The following TMEM94 variants were observed in gnomAD, a reference collection of about 807,000 sequenced individuals.
The protein encoded by TMEM94 is transmembrane protein 94.
TMEM94 carries 81 observed loss-of-function variants against 158.6 expected under a neutral mutation model. The ratio of observed to expected loss-of-function variants is 0.51; its 90% CI spans 0.43 to 0.61. The LOEUF (loss-of-function observed/expected upper bound fraction) is 0.61. Among genes scored for constraint, TMEM94 ranks in the 20% least tolerant of loss-of-function variants. The pLI is 0.00. For missense variants in TMEM94, 1,435 were observed against 1,762.0 expected (o/e 0.81, Z 3.32); for synonymous variants, 751 against 730.7 (o/e 1.03, Z -0.45).
At chr17:75,480,507 G>A (rs1311204275) in intron 2 of TMEM94, among the ~76,000 whole-genome samples, 1 of 152,250 alleles carries the variant, frequency 6.6e-6, no homozygotes, top group Admixed American at 6.5e-5. Context: ...GGTAGAGACA[G>A]CAAGAGAGCA....
chr17:75,473,852 C>T (rs907449693), intron 2 of TMEM94, among the ~76,000 whole-genome samples: 19 of 152,152 alleles, frequency 1.2e-4, no homozygotes, highest in Non-Finnish European at 2.2e-4. Context: ...CAGTGGCTCA[C>T]GTCTGTAATC....
At chr17:75,461,093 C>CTTTTTTT (rs59878082) in intron 1 of TMEM94, among the ~76,000 whole-genome samples, 4 of 69,636 alleles carry the variant, frequency 5.7e-5, no homozygotes, top group Admixed American at 1.7e-4. Context: ...TTGCGATTGG[C>CTTTTTTT]TTTTTTTTTT....
intron 18 of TMEM94, 66 bp downstream of exon 18, chr17:75,493,982 C>T (rs778414390): frequency 1.3e-6 from 2 of 1,506,484 alleles, no homozygotes; most frequent in African/African-American, 1.4e-5. Flanking sequence ...AGCCCAGGAG[C>T]AGGGAGGGCG....
At position 75,490,704 on chromosome 17, in the gene TMEM94, G is replaced by A; in HGVS notation, c.1074G>A (p.Leu358=). 6.2e-7 allele frequency: 1 copy of A among 1,614,068 alleles called. No individual in the cohort carries two copies. The highest frequency in any genetic ancestry group is 1.1e-5 in the South Asian group (1 of 91,078). ...GACCTCACCCTCTCTCCGTGCAGCT[G>A]GCTAAGTTCTCAGAGGATACTCTCA... ...QMSKASPSSL[L]AKFSEDTLSS... The change falls in exon 11 of 32, where the codon CTG becomes CTA. Residue 358 remains leucine (L), a splice_region_variant and synonymous_variant. Coordinates refer to ENST00000314256, the MANE Select transcript of TMEM94 (RefSeq NM_014738.6).
chr17:75,464,084 G>C (rs918573486), intron 1 of TMEM94, among the ~76,000 whole-genome samples: 72 of 152,260 alleles, frequency 4.7e-4, no homozygotes, highest in African/African-American at 1.7e-3. Flanking sequence ...CTCAACCTGA[G>C]CCTTGGGCTC....
chr17:75,498,072 C>CA lies in TMEM94; in HGVS notation c.3490-102dup, dbSNP rs2052907662. 4.0e-6 allele frequency: 6 copies of CA among 1,487,138 alleles called. No homozygotes were observed. The highest frequency in any genetic ancestry group is 2.0e-4 in the Middle Eastern group (1 of 4,936). 92.1% of individuals were successfully genotyped at this position (1,487,138 alleles called of 1,614,324 possible). A position where few individuals can be genotyped will look rare whatever the true frequency, so the allele number is the denominator to read the frequency against. ...CTGGGGCTTGAGCTCCCTATCCCCC[C>CA]AGGCCTGACCATTTACTAAGAGCCC... On this transcript the variant is annotated intron_variant, in intron 27 of 31. Coordinates refer to ENST00000314256, the MANE Select transcript of TMEM94 (RefSeq NM_014738.6). The surrounding 1 kb of genome is among the most constrained non-coding windows in gnomAD (Gnocchi z 6.7).
chr17:75,459,815 G>A (rs1378409712), intron 1 of TMEM94: 1 of 152,134 alleles, frequency 6.6e-6, no homozygotes, highest in African/African-American at 2.4e-5. Flanking sequence ...TATTGTGTTA[G>A]TGTTGTTTTT....
chr17:75,491,852 C>G lies in TMEM94; in HGVS notation c.1548C>G (p.Asn516Lys). The part of the protein sequence containing the change: ...HGRSKHPSGS[N>K]VSFSRDTEGG... ...GCAGCAAACACCCATCTGGCTCCAA[C>G]GTGAGCTTCAGCAGGGACACCGAGG... The change falls in exon 14 of 32, where the codon AAC (asparagine) becomes AAG (lysine). Residue 516 changes from asparagine (N) to lysine (K), a missense_variant. Physicochemically the swap from Asn to Lys is moderately conservative, Grantham distance 94. Around this residue, in one of 3 missense-constraint regions of TMEM94, gnomAD observed 1,051 missense variants for 1,254.4 expected, o/e 0.84. Transcript: ENST00000314256. This position sits in a 1 kb window ranked among gnomAD's most constrained non-coding sequence, Gnocchi z 5.1. 3.1e-6 allele frequency: 5 copies of G among 1,613,994 alleles called. No individual in the cohort carries two copies. Among genetic ancestry groups the G allele is most frequent in the Non-Finnish European group, 4.2e-6 (5 of 1,179,984 alleles).
In TMEM94 at chr17:75,492,800, C is replaced by T. The variant is rs761779270; in HGVS notation, c.1912+11C>T. The T allele has an allele frequency of 2.5e-6, 4 of 1,595,810 alleles. No individual in the cohort carries two copies. Among genetic ancestry groups the T allele is most frequent in the Non-Finnish European group, 2.6e-6 (3 of 1,171,874 alleles). The stretch of plus-strand genomic sequence containing the variant: ...TTGCCCGCCTCATTGGTACAGGTCC[C>T]CATGGCAGGGGATGGCTGGCTGGAC... On this transcript the variant is annotated intron_variant, in intron 15 of 31. Transcript: ENST00000314256. This position sits in a 1 kb window ranked among gnomAD's most constrained non-coding sequence, Gnocchi z 4.4.
rs201430469 is a variant in TMEM94, at chr17:75,485,907, C to A, written c.181C>A (p.Arg61Ser). The A allele has an allele frequency of 1.2e-6, 2 of 1,613,440 alleles. No homozygotes were observed. The highest frequency in any genetic ancestry group is 2.2e-5 in the East Asian group (1 of 44,858). ...AAGCAGCTTCCTCCACCACAGTAACCGCTGCTCCTGCTTCCACTGGCCGGG... is the reference window on the plus strand; with the variant it reads ...AAGCAGCTTCCTCCACCACAGTAACAGCTGCTCCTGCTTCCACTGGCCGGG... ...WRSSFLHHSN[R>S]CSCFHWPGAS... is the part of the protein sequence containing the mutation. Residue 61 changes from arginine (R) to serine (S), a missense_variant, in exon 4 of 32, where the codon CGC becomes AGC. Transcript: ENST00000314256. The surrounding 1 kb of genome is among the most constrained non-coding windows in gnomAD (Gnocchi z 5.5).
At position 75,467,897 on chromosome 17, in the gene TMEM94, A is replaced by AT. The variant is rs777183437; in HGVS notation, c.-106-3897dup. ...TTCACCTAAGTGGCACTTGGTTCATATTTTTTGCTTGCTGCTGATAGTAAT... is the reference window on the plus strand; with the variant it reads ...TTCACCTAAGTGGCACTTGGTTCATATTTTTTTGCTTGCTGCTGATAGTAAT... On this transcript the variant is annotated intron_variant, in intron 1 of 31. Coordinates refer to ENST00000314256, the MANE Select transcript of TMEM94 (RefSeq NM_014738.6). Among the ~76,000 whole-genome samples the AT allele has an allele frequency of 1.8e-4, 27 of 152,030 alleles. 1 individual carries two copies. The highest frequency in any genetic ancestry group is 3.9e-4 in the Admixed American group (6 of 15,274).
Position 75,493,531 on chromosome 17 carries a change from C to T in TMEM94, c.2127C>T (p.Val709=), listed in dbSNP as rs1395666561. ...TGTCCCATGGCACCGCTGATGTGGT[C>T]TTAGAGGCCTGCACAGACTTCTGGG... ...QMLSHGTADV[V]LEACTDFWDG... The change falls in exon 17 of 32, where the codon GTC becomes GTT. Residue 709 remains valine, a synonymous_variant. Transcript: ENST00000314256. 2.5e-6 allele frequency: 4 copies of T among 1,614,040 alleles called. No homozygotes were observed. The East Asian group carries it at 6.7e-5, about 27-fold the overall frequency.
Position 75,490,354 on chromosome 17 carries a change from G to C in TMEM94, c.1071+4G>C. The C allele has an allele frequency of 6.2e-7, 1 of 1,612,272 alleles. No homozygotes were observed. The highest frequency in any genetic ancestry group is 8.5e-7 in the Non-Finnish European group (1 of 1,179,560). ...CAAGGCCTCACCCAGCTCCCTGGTA[G>C]GTTTTTCCAAGGTGTCTGGGGGAAG... On this transcript the variant is annotated splice_donor_region_variant and intron_variant, in intron 10 of 31. Transcript: ENST00000314256.
At chr17:75,467,136 G>A (rs1430074985) in intron 1 of TMEM94, among the ~76,000 whole-genome samples, 1 of 151,486 alleles carries the variant, frequency 6.6e-6, no homozygotes, top group Non-Finnish European at 1.5e-5. Flanking sequence ...AACCACGCCT[G>A]GCTAATTTTT....
At chr17:75,476,511 G>C (rs2146310283) in intron 2 of TMEM94, 3 of 1,414,930 alleles carry the variant, frequency 2.1e-6, no homozygotes, top group East Asian at 2.6e-5. Flanking sequence ...TTAATCAGCA[G>C]ATTGAAGCTC....
chr17:75,492,435 C>A lies in TMEM94; in HGVS notation c.1597-39C>A. On this transcript the variant is annotated intron_variant, in intron 14 of 31. Transcript: ENST00000314256. This position sits in a 1 kb window ranked among gnomAD's most constrained non-coding sequence, Gnocchi z 4.4. ...AGAGCCAGTGCTGGCTTCCCCACAC[C>A]CTATCCCGGGCTGAGGCTCTCCTCC... The A allele has an allele frequency of 6.5e-7, 1 of 1,545,886 alleles. No homozygotes were observed. The highest frequency in any genetic ancestry group is 8.8e-7 in the Non-Finnish European group (1 of 1,142,848).
intron 2 of TMEM94, among the ~76,000 whole-genome samples, chr17:75,478,374 A>G (rs2050885156): frequency 6.6e-6 from 1 of 151,716 alleles, no homozygotes; most frequent in African/African-American, 2.4e-5. Flanking sequence ...AAAAAGAAAA[A>G]AAGGAAAGGG....
intron 1 of TMEM94, among the ~76,000 whole-genome samples, chr17:75,456,985 C>T (rs868189509): frequency 2.6e-5 from 4 of 152,202 alleles, no homozygotes; most frequent in Admixed American, 6.5e-5. Flanking sequence ...TGGATTGGTC[C>T]ATTGTGGGGT....
Position 75,486,414 on chromosome 17 carries a change from G to T in TMEM94, c.397G>T (p.Asp133Tyr). 2 of 1,614,160 alleles carry T rather than the reference G, an allele frequency of 1.2e-6. No homozygotes were observed. Among genetic ancestry groups the T allele is most frequent in the South Asian group, 2.2e-5 (2 of 91,050 alleles). ...EVERRLRGII[D>Y]QIQDALRDGR... ...AGAGCGGAGGCTGCGAGGGATCATT[G>T]ACCAAATCCAAGGTGAGGTCAAGGG... The change falls in exon 5 of 32, where the codon GAC becomes TAC. Residue 133 changes from aspartate to tyrosine, a missense_variant. Asp to Tyr is a radical substitution (Grantham distance 160). Transcript: ENST00000314256.
Sources: allele counts gnomAD v4.1 joint callset (sites outside exome capture counted in the v4.1 genomes callset), GRCh38; gene constraint gnomAD v4.1.1; regional missense constraint gnomAD v4.1.1; non-coding constraint Gnocchi (gnomAD v3.1); transcripts MANE v1.5; gene names NCBI Gene and HGNC (gene_info 2026-07-23, HGNC 2026-07-21).